Variants in PATJ observed in about 807,000 individuals in gnomAD.
PATJ encodes inaD-like protein.
PATJ carries 190 observed loss-of-function variants against 224.9 expected under a neutral mutation model. The observed-to-expected ratio is 0.84, with a 90% CI of 0.75 to 0.95. PATJ has a LOEUF of 0.95. Ranked by LOEUF, PATJ falls within the 40% of genes least tolerant of loss-of-function variation. The pLI, the probability that PATJ is intolerant of heterozygous loss-of-function variation, is 0.00. For missense variants in PATJ, 2,121 were observed against 2,270.3 expected (o/e 0.93, Z 1.34); for synonymous variants, 769 against 820.3 (o/e 0.94, Z 1.07).
intron 31 of PATJ, among the ~76,000 whole-genome samples, chr1:62,065,786 C>T (rs1010743519): frequency 2.6e-5 from 4 of 152,144 alleles, no homozygotes; most frequent in Non-Finnish European, 5.9e-5. Context: ...ATTTTTAGCA[C>T]GCAGGGCTTA....
intron 37 of PATJ, among the ~76,000 whole-genome samples, chr1:62,117,916 G>A (rs141988976): frequency 1.4e-4 from 22 of 152,184 alleles, no homozygotes; most frequent in African/African-American, 4.6e-4. Flanking sequence ...TGGATAGGCC[G>A]CCTTAGTTTT....
chr1:62,080,135 A>G (rs1051194500), intron 32 of PATJ, among the ~76,000 whole-genome samples: 1 of 152,092 alleles, frequency 6.6e-6, no homozygotes, highest in Admixed American at 6.6e-5. Flanking sequence ...TTAGGTCTTG[A>G]GTAATATCTC....
intron 27 of PATJ, among the ~76,000 whole-genome samples, chr1:61,959,884 A>G (rs1369778028): frequency 2.0e-5 from 3 of 152,036 alleles, no homozygotes; most frequent in Admixed American, 6.6e-5. Context: ...TTAGCCAGGC[A>G]TGGTGGCATG....
At chr1:61,812,556 GAC>G (rs144492648) in intron 14 of PATJ, among the ~76,000 whole-genome samples, 1,878 of 151,794 alleles carry the variant, frequency 0.012, 32 homozygotes, top group African/African-American at 0.042. Context: ...TCACTTTTAA[GAC>G]ACAGTCTTGG....
At chr1:62,109,155 G>A (rs6684468) in intron 34 of PATJ, among the ~76,000 whole-genome samples, 40,244 of 151,240 alleles carry the variant, frequency 0.27, 5,931 homozygotes, top group South Asian at 0.41. Flanking sequence ...GATGCCAGGC[G>A]TTCTGGTAGG....
chr1:61,991,447 C>G lies in PATJ; in HGVS notation c.3867+1083C>G, dbSNP rs996743581. ...TTAGACTGCTTACTTGAAATGAAGG[C>G]TTACTGATTTTGCATTTTACGATTT... On this transcript the variant is annotated intron_variant, in intron 28 of 43. Coordinates refer to ENST00000642238, the MANE Select transcript of PATJ (RefSeq NM_001350145.3). 42 of 961,872 alleles carry G rather than the reference C, an allele frequency of 4.4e-5. No homozygotes were observed. In the African/African-American group the frequency reaches 6.5e-4, roughly 15 times the overall value. 59.6% of individuals were successfully genotyped at this position (961,872 alleles called of 1,614,324 possible). A position where few individuals can be genotyped will look rare whatever the true frequency, so the allele number is the denominator to read the frequency against.
intron 7 of PATJ, among the ~76,000 whole-genome samples, chr1:61,780,262 G>A (rs1396482872): frequency 6.6e-6 from 1 of 152,020 alleles, no homozygotes; most frequent in Non-Finnish European, 1.5e-5. Flanking sequence ...TCAGGAGTTC[G>A]AGACCAGCCT....
chr1:61,769,761 A>G (rs1646494071), intron 5 of PATJ, among the ~76,000 whole-genome samples: 1 of 152,174 alleles, frequency 6.6e-6, no homozygotes, highest in Admixed American at 6.6e-5. Context: ...TCCCTCTCTT[A>G]CAACTGAACA....
rs1219192770 is a variant in PATJ at position 61,787,982 on chromosome 1, C to T, written c.1068+10C>T. The T allele has an allele frequency of 1.3e-6, 2 of 1,598,554 alleles. No homozygotes were observed. Among genetic ancestry groups the T allele is most frequent in the Admixed American group, 1.7e-5 (1 of 59,852 alleles). On this transcript the variant is annotated intron_variant, in intron 8 of 43. Transcript: ENST00000642238. The stretch of plus-strand genomic sequence containing the variant: ...CAAGGGCCCTGGTTCTGTGAGTATA[C>T]ATATCATTCTTTCATCTTAAACCAA...
intron 43 of PATJ, among the ~76,000 whole-genome samples, chr1:62,158,205 C>T (rs1034220873): frequency 1.3e-5 from 2 of 149,494 alleles, no homozygotes; most frequent in Non-Finnish European, 3.0e-5. Context: ...TCAAGCCATG[C>T]ATTTATTTCT....
At chr1:61,748,387 T>C (rs1645140655) in intron 1 of PATJ, among the ~76,000 whole-genome samples, 2 of 149,994 alleles carry the variant, frequency 1.3e-5, no homozygotes, top group Non-Finnish European at 3.0e-5. Flanking sequence ...CCTGAGTTGC[T>C]AGGACTGCAG....
At chr1:61,997,145 T>C (rs1645415210) in intron 28 of PATJ, among the ~76,000 whole-genome samples, 1 of 152,316 alleles carries the variant, frequency 6.6e-6, no homozygotes, top group African/African-American at 2.4e-5. Context: ...AATACTAAAA[T>C]ATTACACTTT....
chr1:61,836,847 A>G (rs1257801056), intron 17 of PATJ, among the ~76,000 whole-genome samples: 1 of 152,250 alleles, frequency 6.6e-6, no homozygotes, highest in African/African-American at 2.4e-5. Context: ...AGTAGGGCCA[A>G]GGCAAATTCT....
intron 1 of PATJ, among the ~76,000 whole-genome samples, chr1:61,753,516 ATTT>A (rs11300369): frequency 2.9e-5 from 4 of 138,326 alleles, no homozygotes; most frequent in Non-Finnish European, 3.2e-5. Flanking sequence ...TCTATTACAT[ATTT>A]TTTTTTTTTT....
intron 34 of PATJ, among the ~76,000 whole-genome samples, chr1:62,111,041 G>C (rs1663747599): frequency 6.6e-6 from 1 of 152,180 alleles, no homozygotes; most frequent in African/African-American, 2.4e-5. Flanking sequence ...AGGAGCAAAT[G>C]GAAACCATGA....
At chr1:61,915,787 C>T (rs757915360) in intron 26 of PATJ, among the ~76,000 whole-genome samples, 2 of 151,750 alleles carry the variant, frequency 1.3e-5, no homozygotes, top group African/African-American at 4.8e-5. Context: ...ACCTCCACCT[C>T]CTGGGTTCAA....
intron 17 of PATJ, among the ~76,000 whole-genome samples, chr1:61,834,044 A>G (rs1269756849): frequency 6.6e-6 from 1 of 152,182 alleles, no homozygotes; most frequent in East Asian, 1.9e-4. Flanking sequence ...ATCTTGATGA[A>G]CTTGTTTATA....
At chr1:62,078,179 C>G (rs1294637857) in intron 31 of PATJ, among the ~76,000 whole-genome samples, 2 of 152,218 alleles carry the variant, frequency 1.3e-5, no homozygotes, top group Non-Finnish European at 2.9e-5. Flanking sequence ...GGTTCCCTGG[C>G]CAACTGCAGA....
chr1:62,105,674 G>A (rs1164464616), intron 33 of PATJ, among the ~76,000 whole-genome samples: 1 of 152,042 alleles, frequency 6.6e-6, no homozygotes, highest in Non-Finnish European at 1.5e-5. Context: ...ATGTATTCCT[G>A]GTACAGAATC....
Sources: gnomAD v4.1 joint callset for allele counts (sites outside exome capture counted in the v4.1 genomes callset) on GRCh38, gnomAD v4.1.1 for gene constraint, MANE v1.5 for transcripts, NCBI Gene and HGNC (gene_info 2026-07-23, HGNC 2026-07-21) for gene names.